Variants in DHRS13 observed in about 807,000 individuals in gnomAD.
DHRS13 encodes the protein dehydrogenase/reductase SDR family member 13.
Under a neutral mutation model 17.9 loss-of-function variants are expected in DHRS13, and 22 were observed. That is an observed-to-expected ratio of 1.23 (90% confidence interval 0.88 to 1.75). The LOEUF is 1.75. Among genes scored for constraint, DHRS13 ranks in the 40% most tolerant of loss-of-function variants. The pLI, the probability that DHRS13 is intolerant of heterozygous loss-of-function variation, is 0.00. For missense variants in DHRS13, 483 were observed against 519.9 expected (o/e 0.93, Z 0.69); for synonymous variants, 206 against 220.4 (o/e 0.93, Z 0.58).
In DHRS13 at chr17:28,899,790, C is replaced by T. The variant is rs753520398; in HGVS notation, c.683-898G>A. Among the ~76,000 whole-genome samples, 11 of 152,268 alleles carry T rather than the reference C, an allele frequency of 7.2e-5. No homozygotes were observed. The highest frequency in any genetic ancestry group is 1.2e-4 in the Non-Finnish European group (8 of 68,054). On this transcript the variant is annotated intron_variant, in intron 4 of 4. Coordinates refer to ENST00000378895, the MANE Select transcript of DHRS13 (RefSeq NM_144683.4). This position sits in a 1 kb window ranked among gnomAD's most constrained non-coding sequence, Gnocchi z 4.7. ...TGGCGAGATCTCAGCTTACTGGCAA[C>T]GTCCACCTCTAGGTTCAGGCGATTC...
Position 28,901,450 on chromosome 17 carries a change from C to A in DHRS13, c.370+43G>T. Reference sequence around the variant, plus strand: ...CGCTGGAGGGGGCAGTTGCCCCTGGCCACCCGCCACCCCACCCCCACGCAG... The same window carrying A: ...CGCTGGAGGGGGCAGTTGCCCCTGGACACCCGCCACCCCACCCCCACGCAG... On this transcript the variant is annotated intron_variant, in intron 3 of 4. Transcript: ENST00000378895. This position sits in a 1 kb window ranked among gnomAD's most constrained non-coding sequence, Gnocchi z 4.3. 1.2e-6 allele frequency: 2 copies of A among 1,611,386 alleles called. No homozygotes were observed. The highest frequency in any genetic ancestry group is 1.7e-6 in the Non-Finnish European group (2 of 1,179,092).
chr17:28,901,305 G>C lies in DHRS13; in HGVS notation c.371-4C>G. ...GTCCGGCCACAGGAACTGATACCTG[G>C]GGCAGAGGCTAAATGTGAGCGGCTG... On this transcript the variant is annotated splice_region_variant and splice_polypyrimidine_tract_variant and intron_variant, in intron 3 of 4. Coordinates refer to ENST00000378895, the MANE Select transcript of DHRS13 (RefSeq NM_144683.4). This position sits in a 1 kb window ranked among gnomAD's most constrained non-coding sequence, Gnocchi z 4.3. The C allele has an allele frequency of 6.2e-7, 1 of 1,602,774 alleles. No individual in the cohort carries two copies. The highest frequency in any genetic ancestry group is 8.5e-7 in the Non-Finnish European group (1 of 1,173,180).
rs774830836 is a variant in DHRS13, at chr17:28,898,611, C to T, written c.964G>A (p.Asp322Asn). 24 of 1,613,236 alleles carry T rather than the reference C, an allele frequency of 1.5e-5. No homozygotes were observed. The highest frequency in any genetic ancestry group is 6.7e-5 in the African/African-American group (5 of 74,868). ...GAGTCCTCAGACTGGGGGTCTTCAT[C>T]GGGTTCAGCATCCTCCCCAGGCCCA... ...GLGPGEDAEP[D>N]EDPQSEDSEA... is the part of the protein sequence containing the mutation. The change falls in exon 5 of 5, where the codon GAT becomes AAT. Residue 322 changes from aspartate (D) to asparagine (N), a missense_variant. Transcript: ENST00000378895.
At position 28,898,633 on chromosome 17, in the gene DHRS13, C is replaced by T. The variant is rs764800917; in HGVS notation, c.942G>A (p.Gly314=). Residue 314 remains glycine, a synonymous_variant, in exon 5 of 5, where the codon GGG becomes GGA. Coordinates refer to ENST00000378895, the MANE Select transcript of DHRS13 (RefSeq NM_144683.4). ...CATCGGGTTCAGCATCCTCCCCAGG[C>T]CCAAGCCCTGCCAGCCTCTTGCTGG... ...WEASKRLAGL[G]PGEDAEPDED... is the part of the protein sequence containing the mutation. The T allele has an allele frequency of 6.2e-7, 1 of 1,613,770 alleles. No homozygotes were observed. Among genetic ancestry groups the T allele is most frequent in the Admixed American group, 1.7e-5 (1 of 59,966 alleles).
rs767496229 is a variant in DHRS13, at chr17:28,901,161, C to A, written c.511G>T (p.Ala171Ser). 4 of 1,614,208 alleles carry A rather than the reference C, an allele frequency of 2.5e-6. No homozygotes were observed. The Admixed American group carries it at 6.7e-5, about 27-fold the overall frequency. The change falls in exon 4 of 5, where the codon GCT (alanine) becomes TCT (serine). Residue 171 changes from alanine (A) to serine (S), a missense_variant. By Grantham distance (99) the Ala-to-Ser change is moderately conservative. Coordinates refer to ENST00000378895, the MANE Select transcript of DHRS13 (RefSeq NM_144683.4). This position sits in a 1 kb window ranked among gnomAD's most constrained non-coding sequence, Gnocchi z 4.3. ...TCAAGACGTCCCCGACAGTGGGCAGCTGAGGCTACCACCACCACGCGGCTA... is the reference window on the plus strand; with the variant it reads ...TCAAGACGTCCCCGACAGTGGGCAGATGAGGCTACCACCACCACGCGGCTA... ...APSRVVVVAS[A>S]AHCRGRLDFK...
chr17:28,898,966 G>T, intron 4 of DHRS13, 74 bp from the exon 5 acceptor site: 1 of 1,433,012 alleles, frequency 7.0e-7, no homozygotes, highest in Non-Finnish European at 9.3e-7. Flanking sequence ...TACTCGGGAG[G>T]CGGAGCAGGA....
At chr17:28,900,856 C>T in intron 4 of DHRS13, 134 bp downstream of exon 4, 3 of 1,024,642 alleles carry the variant, frequency 2.9e-6, no homozygotes, top group Non-Finnish European at 4.2e-6. Context: ...TCTCCTTGGA[C>T]TATGCTTCCT....
chr17:28,902,968 GCCCAGGCCCCGCACCGC>G lies in DHRS13; in HGVS notation c.-41_-25del, dbSNP rs766482491. The G allele has an allele frequency of 2.8e-5, 42 of 1,476,038 alleles. No individual in the cohort carries two copies. Among genetic ancestry groups the G allele is most frequent in the Middle Eastern group, 1.8e-4 (1 of 5,572 alleles). 91.4% of individuals were successfully genotyped at this position (1,476,038 alleles called of 1,614,324 possible). The stretch of plus-strand genomic sequence containing the variant: ...ATGCCGGCCGCGCCTCCCGGCTCCC[GCCCAGGCCCCGCACCGC>G]CCTGGATCGCCGCCAGGCGGCTGCC... On this transcript the variant is annotated 5_prime_UTR_variant, in exon 1 of 5. Transcript: ENST00000378895. The surrounding 1 kb of genome is among the most constrained non-coding windows in gnomAD (Gnocchi z 4.0).
Position 28,902,673 on chromosome 17 carries a change from C to G in DHRS13, c.156G>C (p.Thr52=). 7.1e-7 allele frequency: 1 copy of G among 1,409,050 alleles called. No homozygotes were observed. Among genetic ancestry groups the G allele is most frequent in the African/African-American group, 1.5e-5 (1 of 66,360 alleles). The allele number at this position is 1,409,050 out of a possible 1,614,324, so 87.3% of individuals were successfully genotyped here. A position where few individuals can be genotyped will look rare whatever the true frequency, so the allele number is the denominator to read the frequency against. ...CTCCCCGGCGCGCCAGCTCCAGCGC[C>G]GTCATCTTTCCGATGCCGCTGTTGG... is the stretch of plus-strand genomic sequence containing the variant. ...TGANSGIGKM[T]ALELARRGAR... is the part of the protein sequence containing the mutation. The change falls in exon 2 of 5, where the codon ACG becomes ACC. Residue 52 remains threonine (T), a synonymous_variant. Coordinates refer to ENST00000378895, the MANE Select transcript of DHRS13 (RefSeq NM_144683.4). This position sits in a 1 kb window ranked among gnomAD's most constrained non-coding sequence, Gnocchi z 4.0.
In DHRS13 at chr17:28,902,464, C is replaced by G. The variant is rs1266286500; in HGVS notation, c.246+119G>C. ...GCTCCGTGCACTCCCTCTTCGCGCT[C>G]AGCCGCCCGCGCCGCGCTCTCCTCC... is the stretch of plus-strand genomic sequence containing the variant. On this transcript the variant is annotated intron_variant, in intron 2 of 4. Transcript: ENST00000378895. This position sits in a 1 kb window ranked among gnomAD's most constrained non-coding sequence, Gnocchi z 4.0. The G allele has an allele frequency of 2.7e-6, 3 of 1,111,282 alleles. No individual in the cohort carries two copies. The African/African-American group carries it at 5.0e-5, about 18-fold the overall frequency. 68.8% of individuals were successfully genotyped at this position (1,111,282 alleles called of 1,614,324 possible).
chr17:28,901,327 GCTGCTCCAGAAGGAGCT>G lies in DHRS13; in HGVS notation c.371-43_371-27del. The G allele has an allele frequency of 1.9e-6, 3 of 1,588,286 alleles. No individual in the cohort carries two copies. Among genetic ancestry groups the G allele is most frequent in the Non-Finnish European group, 2.6e-6 (3 of 1,165,508 alleles). On this transcript the variant is annotated intron_variant, in intron 3 of 4. Coordinates refer to ENST00000378895, the MANE Select transcript of DHRS13 (RefSeq NM_144683.4). This position sits in a 1 kb window ranked among gnomAD's most constrained non-coding sequence, Gnocchi z 4.3. ...CTGGGGCAGAGGCTAAATGTGAGCG[GCTGCTCCAGAAGGAGCT>G]CTGCAGCCTTGGCATCCCTATCTAT...
chr17:28,900,292 G>A (rs781010294), intron 4 of DHRS13, among the ~76,000 whole-genome samples: 7 of 152,122 alleles, frequency 4.6e-5, no homozygotes, highest in Non-Finnish European at 1.0e-4. Flanking sequence ...GCCTCCCAAA[G>A]TGCTGGGATT....
At chr17:28,900,522 A>G (rs1329837341) in intron 4 of DHRS13, among the ~76,000 whole-genome samples, 4 of 152,000 alleles carry the variant, frequency 2.6e-5, no homozygotes, top group Non-Finnish European at 5.9e-5. Flanking sequence ...CCCTCATCGT[A>G]TATATTTATT....
chr17:28,901,340 G>A lies in DHRS13; in HGVS notation c.371-39C>T. 2.5e-6 allele frequency: 4 copies of A among 1,582,650 alleles called. No homozygotes were observed. The highest frequency in any genetic ancestry group is 3.4e-6 in the Non-Finnish European group (4 of 1,162,742). On this transcript the variant is annotated intron_variant, in intron 3 of 4. Transcript: ENST00000378895. The surrounding 1 kb of genome is among the most constrained non-coding windows in gnomAD (Gnocchi z 4.3). Reference sequence around the variant, plus strand: ...TAAATGTGAGCGGCTGCTCCAGAAGGAGCTCTGCAGCCTTGGCATCCCTAT... The same window carrying A: ...TAAATGTGAGCGGCTGCTCCAGAAGAAGCTCTGCAGCCTTGGCATCCCTAT...
chr17:28,898,861 A>G lies in DHRS13; in HGVS notation c.714T>C (p.His238=), dbSNP rs1416218290. ...AAAGTGGGCGCAGCCATCCAGGAAC[A>G]TGGCGCAGGAACAGCTCCGAGTTCA... The part of the protein sequence containing the change: ...GPVNSELFLR[H]VPGWLRPLLR... Residue 238 remains histidine, a synonymous_variant, in exon 5 of 5, where the codon CAT becomes CAC. Coordinates refer to ENST00000378895, the MANE Select transcript of DHRS13 (RefSeq NM_144683.4). The G allele has an allele frequency of 1.3e-6, 2 of 1,598,904 alleles. No homozygotes were observed. Among genetic ancestry groups the G allele is most frequent in the African/African-American group, 1.3e-5 (1 of 74,604 alleles).
At position 28,901,122 on chromosome 17, in the gene DHRS13, C is replaced by T. The variant is rs369637528; in HGVS notation, c.550G>A (p.Asp184Asn). Reference protein sequence around the residue: ...CRGRLDFKRLDRPVVGWRQEL... With the variant: ...CRGRLDFKRLNRPVVGWRQEL... The stretch of plus-strand genomic sequence containing the variant: ...TGCCGCCAGCCCACCACTGGGCGGT[C>T]CAGGCGTTTGAAGTCAAGACGTCCC... Residue 184 changes from aspartate to asparagine, a missense_variant, in exon 4 of 5, where the codon GAC becomes AAC. By Grantham distance (23) the Asp-to-Asn change is conservative (BLOSUM62 1). Transcript: ENST00000378895. The surrounding 1 kb of genome is among the most constrained non-coding windows in gnomAD (Gnocchi z 4.3). 167 of 1,614,044 alleles carry T rather than the reference C, an allele frequency of 1.0e-4. No homozygotes were observed. Among genetic ancestry groups the T allele is most frequent in the Admixed American group, 7.7e-4 (46 of 60,000 alleles).
chr17:28,902,689 C>T lies in DHRS13; in HGVS notation c.140G>A (p.Gly47Asp). 1 of 1,379,682 alleles carries T rather than the reference C, an allele frequency of 7.2e-7. No individual in the cohort carries two copies. The highest frequency in any genetic ancestry group is 9.3e-7 in the Non-Finnish European group (1 of 1,073,428). The allele number at this position is 1,379,682 out of a possible 1,614,324, so 85.5% of individuals were successfully genotyped here. A position where few individuals can be genotyped will look rare whatever the true frequency, so the allele number is the denominator to read the frequency against. The change falls in exon 2 of 5, where the codon GGC (glycine) becomes GAC (aspartate). Residue 47 changes from glycine to aspartate, a missense_variant. By Grantham distance (94) the Gly-to-Asp change is moderately conservative. Coordinates refer to ENST00000378895, the MANE Select transcript of DHRS13 (RefSeq NM_144683.4). This position sits in a 1 kb window ranked among gnomAD's most constrained non-coding sequence, Gnocchi z 4.0. ...RTAVVTGANS[G>D]IGKMTALELA... ...CTCCAGCGCCGTCATCTTTCCGATG[C>T]CGCTGTTGGCGCCTGCGGACCGCGG...
chr17:28,898,800 TTGGTGCCCGG>T lies in DHRS13; in HGVS notation c.765_774del (p.Arg256GlufsTer78). ...TACAGGGGTGTCTGGGCACCCCCTC[TTGGTGCCCGG>T]AGCACCAGCCAAGCCAATGGGCGCA... On this transcript the variant is annotated frameshift_variant, in exon 5 of 5. Transcript: ENST00000378895. LOFTEE classifies it low-confidence loss of function (END_TRUNC). The T allele has an allele frequency of 6.2e-7, 1 of 1,611,384 alleles. No homozygotes were observed. Among genetic ancestry groups the T allele is most frequent in the Non-Finnish European group, 8.5e-7 (1 of 1,178,976 alleles).
Position 28,898,286 on chromosome 17 carries a change from C to G in DHRS13, c.*155G>C, listed in dbSNP as rs2039776074. The G allele has an allele frequency of 2.8e-6, 2 of 724,832 alleles. No homozygotes were observed. Among genetic ancestry groups the G allele is most frequent in the Admixed American group, 6.2e-5 (2 of 32,520 alleles). 44.9% of individuals were successfully genotyped at this position (724,832 alleles called of 1,614,324 possible). A position where few individuals can be genotyped will look rare whatever the true frequency, so the allele number is the denominator to read the frequency against. On this transcript the variant is annotated 3_prime_UTR_variant, in exon 5 of 5. Transcript: ENST00000378895. ...AAATAATCACCCATTATTCCTTCAACCAGGAAAAGAGATGTCCAGGGCACA... is the reference window on the plus strand; with the variant it reads ...AAATAATCACCCATTATTCCTTCAAGCAGGAAAAGAGATGTCCAGGGCACA...
Sources: gnomAD v4.1 joint callset for allele counts (sites outside exome capture counted in the v4.1 genomes callset) on GRCh38, gnomAD v4.1.1 for gene constraint, Gnocchi (gnomAD v3.1) non-coding constraint, MANE v1.5 for transcripts, NCBI Gene and HGNC (gene_info 2026-07-23, HGNC 2026-07-21) for gene names.